The following ARIH2 variants were observed in gnomAD, a reference collection of about 807,000 sequenced individuals.
The protein encoded by ARIH2 is ariadne RBR E3 ubiquitin protein ligase 2.
Under a neutral mutation model 79.8 loss-of-function variants are expected in ARIH2, and 12 were observed. The ratio of observed to expected loss-of-function variants is 0.15; its 90% CI spans 0.10 to 0.24. The LOEUF is 0.24. Among genes scored for constraint, ARIH2 ranks in the 10% least tolerant of loss-of-function variants. The pLI, the probability that ARIH2 is intolerant of heterozygous loss-of-function variation, is 1.00. For missense variants in ARIH2, 301 were observed against 618.3 expected (o/e 0.49, Z 5.44); for synonymous variants, 224 against 213.9 (o/e 1.05, Z -0.41).
At chr3:48,949,846 A>T (rs527640047) in intron 3 of ARIH2, among the ~76,000 whole-genome samples, 1 of 150,422 alleles carries the variant, frequency 6.6e-6, no homozygotes, top group Non-Finnish European at 1.5e-5. Flanking sequence ...TTTTTACTCC[A>T]TCTAGTTCTG....
At chr3:48,928,022 AAGAATT>A in intron 3 of ARIH2, 3 of 589,534 alleles carry the variant, frequency 5.1e-6, no homozygotes, top group Non-Finnish European at 8.7e-6. Context: ...CCAAATTAGT[AAGAATT>A]AGAAAGTAGG....
At chr3:48,967,058 A>T in intron 5 of ARIH2, 67 bp from the exon 6 acceptor site, 1 of 1,538,326 alleles carries the variant, frequency 6.5e-7, no homozygotes, top group Non-Finnish European at 8.9e-7. Context: ...ACCCGGCTGC[A>T]TGAGGTACCC....
At chr3:48,958,710 A>G (rs77447730) in intron 3 of ARIH2, among the ~76,000 whole-genome samples, 1 of 151,854 alleles carries the variant, frequency 6.6e-6, no homozygotes, top group African/African-American at 2.4e-5. Flanking sequence ...CTCCATCTCA[A>G]AAAAAAGAAA....
intron 3 of ARIH2, among the ~76,000 whole-genome samples, chr3:48,938,857 TTAA>T (rs1273232439): frequency 7.8e-6 from 1 of 128,646 alleles, no homozygotes; most frequent in Non-Finnish European, 1.5e-5. Flanking sequence ...AATGGGGGAA[TTAA>T]TAAAACAGCT....
intron 1 of ARIH2, chr3:48,919,511 G>T: frequency 4.8e-6 from 1 of 209,880 alleles, no homozygotes; most frequent in East Asian, 9.7e-5. Flanking sequence ...CCGCGTTCTT[G>T]GATGACTTCT....
rs2091629557 is a variant in ARIH2 at position 48,964,983 on chromosome 3, G to T, written c.387+1G>T. 1 of 1,612,652 alleles carries T rather than the reference G, an allele frequency of 6.2e-7. No homozygotes were observed. The highest frequency in any genetic ancestry group is 8.5e-7 in the Non-Finnish European group (1 of 1,179,054). ...AGTTCAGCCTAATCCATCAAAACAT[G>T]TGAGTGTCTATTACTTGAATGAGGC... On this transcript the variant is annotated splice_donor_variant, in intron 5 of 15. Coordinates refer to ENST00000356401, the MANE Select transcript of ARIH2 (RefSeq NM_006321.4). LOFTEE classifies it high-confidence loss of function.
chr3:48,953,801 A>T (rs1465084924), intron 3 of ARIH2, among the ~76,000 whole-genome samples: 1 of 151,788 alleles, frequency 6.6e-6, no homozygotes, highest in Admixed American at 6.6e-5. Flanking sequence ...GGCTCAAGCG[A>T]TCCTCCTACC....
At position 48,981,589 on chromosome 3, in the gene ARIH2, G is replaced by A. The variant is rs1009660140; in HGVS notation, c.1258-71G>A. Reference sequence around the variant, plus strand: ...AATTTGCATGTTGAGGGTAGGAATTGTAAGAGCCACCTGAGATGCAGGTAG... The same window carrying A: ...AATTTGCATGTTGAGGGTAGGAATTATAAGAGCCACCTGAGATGCAGGTAG... On this transcript the variant is annotated intron_variant, in intron 13 of 15. Transcript: ENST00000356401. The A allele has an allele frequency of 2.2e-6, 3 of 1,359,406 alleles. No individual in the cohort carries two copies. In the East Asian group the frequency reaches 7.0e-5, roughly 32 times the overall value. 84.2% of individuals were successfully genotyped at this position (1,359,406 alleles called of 1,614,324 possible).
At chr3:48,956,472 T>TTTTTC (rs2090594234) in intron 3 of ARIH2, among the ~76,000 whole-genome samples, 1 of 136,378 alleles carries the variant, frequency 7.3e-6, no homozygotes, top group African/African-American at 2.8e-5. Context: ...TTTTTTTTTT[T>TTTTTC]TAAGAGACAG....
At chr3:48,945,398 C>A (rs556904368) in intron 3 of ARIH2, among the ~76,000 whole-genome samples, 1 of 152,264 alleles carries the variant, frequency 6.6e-6, no homozygotes, top group South Asian at 2.1e-4. Context: ...TTAGCATGTG[C>A]CTTGATCCGT....
At chr3:48,980,676 A>G (rs1349512728) in intron 13 of ARIH2, among the ~76,000 whole-genome samples, 180 bp downstream of exon 13, 1 of 151,920 alleles carries the variant, frequency 6.6e-6, no homozygotes, top group Non-Finnish European at 1.5e-5. Flanking sequence ...CAGTCCTCTG[A>G]TGGATGTCCA....
intron 1 of ARIH2, chr3:48,919,397 C>T: frequency 2.5e-6 from 1 of 398,946 alleles, no homozygotes. Flanking sequence ...GTATCCCCAG[C>T]TCGCGGGCTC....
chr3:48,943,868 C>T (rs1165552258), intron 3 of ARIH2, among the ~76,000 whole-genome samples: 1 of 152,114 alleles, frequency 6.6e-6, no homozygotes, highest in Non-Finnish European at 1.5e-5. Context: ...CCTGTCTTTG[C>T]CTCCTTACAG....
At chr3:48,959,792 T>A (rs963250739) in intron 3 of ARIH2, among the ~76,000 whole-genome samples, 1 of 152,170 alleles carries the variant, frequency 6.6e-6, no homozygotes, top group Non-Finnish European at 1.5e-5. Context: ...TTTCTCCAGA[T>A]GTACCTGGAC....
chr3:48,967,718 C>T (rs1021265787), intron 6 of ARIH2, among the ~76,000 whole-genome samples: 2 of 152,188 alleles, frequency 1.3e-5, no homozygotes, highest in Non-Finnish European at 2.9e-5. Context: ...TTGATATCTG[C>T]AAAGTCCCAC....
At chr3:48,970,334 G>T (rs1273346400) in intron 7 of ARIH2, among the ~76,000 whole-genome samples, 1 of 152,204 alleles carries the variant, frequency 6.6e-6, no homozygotes, top group African/African-American at 2.4e-5. Context: ...TAGGACTATA[G>T]GCAGGAGCCA....
intron 2 of ARIH2, among the ~76,000 whole-genome samples, chr3:48,925,721 A>ATT (rs879571708): frequency 6.5e-5 from 9 of 138,068 alleles, no homozygotes; most frequent in African/African-American, 1.6e-4. Flanking sequence ...TTAGTTTTAG[A>ATT]TTTTTTTTTT....
At chr3:48,978,449 GTGTGTGTGTGTGTGTGTA>G (rs1199895643) in intron 11 of ARIH2, among the ~76,000 whole-genome samples, 9 of 116,662 alleles carry the variant, frequency 7.7e-5, no homozygotes, top group African/African-American at 2.6e-4. Context: ...GTGTGTGTGT[GTGTGTGTGTGTGTGTGTA>G]TATATATATA....
intron 3 of ARIH2, among the ~76,000 whole-genome samples, chr3:48,936,382 A>T (rs1032779610): frequency 6.6e-6 from 1 of 152,218 alleles, no homozygotes; most frequent in South Asian, 2.1e-4. Flanking sequence ...ACTGTCAAAC[A>T]TGAAGTTCCT....
Sources: gnomAD v4.1 joint callset for allele counts (sites outside exome capture counted in the v4.1 genomes callset) on GRCh38, gnomAD v4.1.1 for gene constraint, MANE v1.5 for transcripts, NCBI Gene and HGNC (gene_info 2026-07-23, HGNC 2026-07-21) for gene names.